Variants in XYLT1 observed in about 807,000 individuals in gnomAD.
The protein encoded by XYLT1 is xylosyltransferase 1, also known as beta-D-xylosyltransferase 1.
Under a neutral mutation model 91.3 loss-of-function variants are expected in XYLT1, and 36 were observed. The observed-to-expected ratio is 0.39, with a 90% CI of 0.30 to 0.52. The LOEUF is 0.52. XYLT1 is among the 20% of genes least tolerant of loss of function. XYLT1 has a pLI of 0.68. For missense variants in XYLT1, 1,242 were observed against 1,284.5 expected, an observed-to-expected ratio of 0.97 and a Z score of 0.51; for synonymous variants, 588 against 532.0, an observed-to-expected ratio of 1.11 and a Z score of -1.45.
chr16:17,264,153 C>T (rs2033767122), intron 2 of XYLT1, among the ~76,000 whole-genome samples: 1 of 152,154 alleles, frequency 6.6e-6, no homozygotes, highest in African/African-American at 2.4e-5. Flanking sequence ...TACTGCACAG[C>T]AGGTCTCTAT....
intron 9 of XYLT1, among the ~76,000 whole-genome samples, chr16:17,130,583 CCTGACTCAGCCTCCCGAGTAG>C (rs2030431912): frequency 6.6e-6 from 1 of 152,116 alleles, no homozygotes; most frequent in South Asian, 2.1e-4. Flanking sequence ...AGCAGTTCTC[CCTGACTCAGCCTCCCGAGTAG>C]CTGGGATTAC....
At chr16:17,119,829 A>C (rs928836164) in intron 10 of XYLT1, among the ~76,000 whole-genome samples, 1 of 152,236 alleles carries the variant, frequency 6.6e-6, no homozygotes, top group African/African-American at 2.4e-5. Context: ...ACTGTGCTAC[A>C]TATTGCCTTC....
chr16:17,363,507 T>C (rs1266993447), intron 1 of XYLT1, among the ~76,000 whole-genome samples: 1 of 152,182 alleles, frequency 6.6e-6, no homozygotes, highest in Admixed American at 6.5e-5. Context: ...CTTTTCTCTA[T>C]GCATCCCGGG....
intron 3 of XYLT1, among the ~76,000 whole-genome samples, chr16:17,217,954 TAATA>T (rs2032890758): frequency 2.4e-5 from 3 of 123,278 alleles, no homozygotes; most frequent in South Asian, 4.7e-4. Flanking sequence ...ATAATAATAA[TAATA>T]AAAAAAAAAA....
chr16:17,357,592 C>G (rs577373480), intron 2 of XYLT1, among the ~76,000 whole-genome samples: 1 of 152,350 alleles, frequency 6.6e-6, no homozygotes, highest in East Asian at 1.9e-4. Context: ...AACTTCCTTC[C>G]ATATGCTGCC....
At chr16:17,403,335 T>C (rs1355733226) in intron 1 of XYLT1, 3 of 152,258 alleles carry the variant, frequency 2.0e-5, no homozygotes, top group African/African-American at 7.2e-5. Flanking sequence ...CTACAAATCT[T>C]CTGCCAGGGC....
intron 11 of XYLT1, among the ~76,000 whole-genome samples, chr16:17,110,989 G>A (rs920348515): frequency 2.6e-5 from 4 of 152,080 alleles, no homozygotes; most frequent in Non-Finnish European, 4.4e-5. Context: ...GTGAAACCCC[G>A]TCTCTACTAA....
At chr16:17,295,030 A>G (rs1325145582) in intron 2 of XYLT1, among the ~76,000 whole-genome samples, 2 of 152,192 alleles carry the variant, frequency 1.3e-5, no homozygotes, top group African/African-American at 4.8e-5. Flanking sequence ...GAGAGAAGTC[A>G]GTGGTTAGGA....
intron 2 of XYLT1, among the ~76,000 whole-genome samples, chr16:17,297,155 C>G (rs1051455577): frequency 6.6e-6 from 1 of 152,172 alleles, no homozygotes; most frequent in Non-Finnish European, 1.5e-5. Context: ...AAAGCACTTG[C>G]TTGAGTCAGG....
intron 4 of XYLT1, 78 bp from the exon 5 acceptor site, chr16:17,198,492 C>G: frequency 3.5e-6 from 5 of 1,436,324 alleles, no homozygotes; most frequent in South Asian, 2.6e-5. Flanking sequence ...CCTGTCCCCT[C>G]TCTGTGTCTT....
At chr16:17,279,110 C>T (rs2034019915) in intron 2 of XYLT1, among the ~76,000 whole-genome samples, 1 of 152,206 alleles carries the variant, frequency 6.6e-6, no homozygotes, top group African/African-American at 2.4e-5. Context: ...GACAGCATTT[C>T]CTGTGCCTTT....
chr16:17,277,587 A>G (rs2033996823), intron 2 of XYLT1, among the ~76,000 whole-genome samples: 1 of 151,924 alleles, frequency 6.6e-6, no homozygotes, highest in African/African-American at 2.4e-5. Context: ...ACGGGGTTTC[A>G]CCATGTAGGC....
chr16:17,134,383 C>T (rs2030622296), intron 9 of XYLT1, 90 bp downstream of exon 9: 1 of 1,522,070 alleles, frequency 6.6e-7, no homozygotes. Context: ...CATTGCAGAT[C>T]CCTAAAGAGG....
chr16:17,197,470 G>GTCAAC (rs2032452470), intron 5 of XYLT1, among the ~76,000 whole-genome samples: 1 of 152,192 alleles, frequency 6.6e-6, no homozygotes, highest in Non-Finnish European at 1.5e-5. Context: ...ACTATTGAGT[G>GTCAAC]TCAACTTGAT....
At chr16:17,453,355 CTT>C (rs1267144496) in intron 1 of XYLT1, among the ~76,000 whole-genome samples, 2 of 152,198 alleles carry the variant, frequency 1.3e-5, no homozygotes, top group Non-Finnish European at 2.9e-5. Flanking sequence ...GGACAGGACT[CTT>C]TGACAAGCCC....
chr16:17,175,895 C>T (rs1179867620), intron 5 of XYLT1, among the ~76,000 whole-genome samples: 1 of 152,174 alleles, frequency 6.6e-6, no homozygotes, highest in Non-Finnish European at 1.5e-5. Flanking sequence ...AATAAACTCT[C>T]CAGCTCTTTG....
Position 17,109,024 on chromosome 16 carries a change from G to T in XYLT1, c.2558-7C>A. ...TGCAGCTTCAGTGCCTCCTCTGAAA[G>T]CCAAAGGGAACAATTTCAGGATCAG... On this transcript the variant is annotated splice_polypyrimidine_tract_variant and splice_region_variant and intron_variant, in intron 11 of 11. Coordinates refer to ENST00000261381, the MANE Select transcript of XYLT1 (RefSeq NM_022166.4). The T allele has an allele frequency of 6.7e-7, 1 of 1,500,428 alleles. No individual in the cohort carries two copies. The allele number at this position is 1,500,428 out of a possible 1,614,324, so 92.9% of individuals were successfully genotyped here.
At chr16:17,333,247 C>A (rs748476385) in intron 2 of XYLT1, among the ~76,000 whole-genome samples, 10 of 152,130 alleles carry the variant, frequency 6.6e-5, no homozygotes, top group Non-Finnish European at 1.3e-4. Context: ...ATTGATTAAT[C>A]TATTTGATTT....
chr16:17,125,314 A>T (rs1281377441), intron 10 of XYLT1, among the ~76,000 whole-genome samples: 5 of 152,192 alleles, frequency 3.3e-5, no homozygotes, highest in African/African-American at 1.2e-4. Context: ...TGCTCTGTCC[A>T]TCCGAGTGGA....
Sources: gnomAD v4.1 joint callset for allele counts (sites outside exome capture counted in the v4.1 genomes callset) on GRCh38, gnomAD v4.1.1 for gene constraint, MANE v1.5 for transcripts, NCBI Gene and HGNC (gene_info 2026-07-23, HGNC 2026-07-21) for gene names.